The following VEPH1 variants were observed in gnomAD, a reference collection of about 807,000 sequenced individuals.
The protein encoded by VEPH1 is ventricular zone expressed PH domain containing 1.
Under a neutral mutation model 85.2 loss-of-function variants are expected in VEPH1, and 80 were observed. That is an observed-to-expected ratio of 0.94 (90% CI 0.78 to 1.13). The LOEUF (loss-of-function observed/expected upper bound fraction) is 1.13. Ranked by LOEUF, VEPH1 falls within the 50% of genes most tolerant of loss-of-function variation. The probability of loss-of-function intolerance (pLI) is 0.00; values close to 1 mark genes in which losing one functional copy is unlikely to be tolerated. For missense variants in VEPH1, 955 were observed against 980.5 expected (o/e 0.97, Z 0.35); for synonymous variants, 297 against 348.0 (o/e 0.85, Z 1.63).
At chr3:157,428,530 C>T (rs746345606) in intron 4 of VEPH1, 42 bp from the exon 5 acceptor site, 3 of 1,578,896 alleles carry the variant, frequency 1.9e-6, no homozygotes, top group South Asian at 1.1e-5. Context: ...TTTATCAGGC[C>T]ATGAGCAACA....
chr3:157,281,730 G>T (rs377330113), intron 12 of VEPH1, among the ~76,000 whole-genome samples: 1 of 152,054 alleles, frequency 6.6e-6, no homozygotes, highest in African/African-American at 2.4e-5. Context: ...TAGAGATGGG[G>T]TTTCACCATG....
chr3:157,423,395 A>G lies in VEPH1; in HGVS notation c.696+4927T>C, dbSNP rs79816233. On this transcript the variant is annotated intron_variant, in intron 5 of 13. Coordinates refer to ENST00000362010, the MANE Select transcript of VEPH1 (RefSeq NM_001167912.2). ...GCACCATATGGGTATTTGTAAAAAGACACAGTTGGGGTACCCAATTGTGTC... is the reference window on the plus strand; with the variant it reads ...GCACCATATGGGTATTTGTAAAAAGGCACAGTTGGGGTACCCAATTGTGTC... 8.1e-3 allele frequency among the ~76,000 whole-genome samples: 1,234 copies of G among 152,318 alleles called. 3 individuals carry two copies. The highest frequency in any genetic ancestry group is 0.012 in the Non-Finnish European group (783 of 68,026).
chr3:157,392,264 T>C (rs1303834410), intron 6 of VEPH1, among the ~76,000 whole-genome samples: 1 of 152,214 alleles, frequency 6.6e-6, no homozygotes, highest in African/African-American at 2.4e-5. Context: ...TAGTCCATTT[T>C]CACAATCATG....
intron 12 of VEPH1, among the ~76,000 whole-genome samples, 190 bp from the exon 13 acceptor site, chr3:157,265,852 G>A (rs1367862897): frequency 6.6e-6 from 1 of 151,956 alleles, no homozygotes; most frequent in Non-Finnish European, 1.5e-5. Flanking sequence ...TATGACAATG[G>A]AAAACTGTTG....
At chr3:157,397,902 C>G (rs1048095334) in intron 6 of VEPH1, among the ~76,000 whole-genome samples, 1 of 152,176 alleles carries the variant, frequency 6.6e-6, no homozygotes, top group Non-Finnish European at 1.5e-5. Flanking sequence ...TTTTCCTTTA[C>G]CACTGTCCTT....
At chr3:157,297,690 G>A (rs1430571997) in intron 11 of VEPH1, among the ~76,000 whole-genome samples, 1 of 152,086 alleles carries the variant, frequency 6.6e-6, no homozygotes, top group Non-Finnish European at 1.5e-5. Flanking sequence ...AAATGGGATG[G>A]CATAAGGCAG....
At chr3:157,411,686 G>A (rs1731544497) in intron 6 of VEPH1, among the ~76,000 whole-genome samples, 1 of 152,128 alleles carries the variant, frequency 6.6e-6, no homozygotes, top group South Asian at 2.1e-4. Context: ...ATTGTTCTCT[G>A]CTATGGGTCC....
At chr3:157,368,854 T>G (rs1727062106) in intron 7 of VEPH1, among the ~76,000 whole-genome samples, 1 of 152,030 alleles carries the variant, frequency 6.6e-6, no homozygotes, top group Non-Finnish European at 1.5e-5. Context: ...ATATTATACT[T>G]GACTACAATT....
rs150551206 is a variant in VEPH1, at chr3:157,439,216, T to C, written c.530-10728A>G. 1.7e-3 allele frequency among the ~76,000 whole-genome samples: 262 copies of C among 152,344 alleles called. 5 individuals are homozygous for C. The East Asian group carries it at 0.036, about 21-fold the overall frequency. The stretch of plus-strand genomic sequence containing the variant: ...GTGTTTCGCAAACCACGTAAAGTCA[T>C]TGTACATATAATGCACCTGAAAAAC... On this transcript the variant is annotated intron_variant, in intron 4 of 13. Coordinates refer to ENST00000362010, the MANE Select transcript of VEPH1 (RefSeq NM_001167912.2).
At chr3:157,459,249 C>T (rs1022084569) in intron 4 of VEPH1, among the ~76,000 whole-genome samples, 2 of 152,318 alleles carry the variant, frequency 1.3e-5, no homozygotes, top group East Asian at 3.9e-4. Context: ...GTCTGCTGGG[C>T]TCGCATGGTG....
intron 12 of VEPH1, among the ~76,000 whole-genome samples, chr3:157,268,688 C>T (rs1559910435): frequency 6.6e-6 from 1 of 152,134 alleles, no homozygotes; most frequent in Non-Finnish European, 1.5e-5. Flanking sequence ...TAGCAAAGCA[C>T]AAGGCACTGC....
rs768144237 is a variant in VEPH1, at chr3:157,495,256, G to A, written c.94C>T (p.Leu32Phe). ...SLDDSEIEDS[L>F]TEALEQIKII... ...TTAATTTGCTCCAAAGCTTCTGTAA[G>A]GCTGTCTTCAATCTCAGAGTCATCT... The change falls in exon 2 of 14, where the codon CTT becomes TTT. Residue 32 changes from leucine to phenylalanine, a missense_variant. Transcript: ENST00000362010. The A allele has an allele frequency of 6.2e-7, 1 of 1,614,032 alleles. No individual in the cohort carries two copies. Among genetic ancestry groups the A allele is most frequent in the Admixed American group, 1.7e-5 (1 of 60,022 alleles).
intron 7 of VEPH1, 52 bp downstream of exon 7, chr3:157,381,104 A>C (rs1577507227): frequency 6.3e-7 from 1 of 1,582,908 alleles, no homozygotes; most frequent in East Asian, 2.2e-5. Flanking sequence ...TCTGCATTCT[A>C]CCCCCACAGG....
intron 6 of VEPH1, among the ~76,000 whole-genome samples, chr3:157,392,562 G>T (rs1425077226): frequency 6.6e-6 from 1 of 152,068 alleles, no homozygotes; most frequent in Non-Finnish European, 1.5e-5. Flanking sequence ...ATCGGAAGAA[G>T]AAGAATTGTC....
chr3:157,333,610 C>T (rs1722693758), intron 9 of VEPH1, among the ~76,000 whole-genome samples: 1 of 152,210 alleles, frequency 6.6e-6, no homozygotes, highest in African/African-American at 2.4e-5. Flanking sequence ...TTTGTGGTCA[C>T]ACTGAGTCAG....
chr3:157,401,781 C>A (rs910938704), intron 6 of VEPH1, among the ~76,000 whole-genome samples: 2 of 151,382 alleles, frequency 1.3e-5, no homozygotes, highest in African/African-American at 4.9e-5. Context: ...TGTGAACTGC[C>A]TTAACTGCTT....
intron 9 of VEPH1, among the ~76,000 whole-genome samples, chr3:157,324,340 G>A (rs1272035765): frequency 3.9e-5 from 6 of 152,138 alleles, no homozygotes; most frequent in African/African-American, 1.4e-4. Context: ...TTACAGGCAT[G>A]AACCACTGTG....
intron 1 of VEPH1, among the ~76,000 whole-genome samples, chr3:157,500,536 C>T (rs528737772): frequency 6.6e-6 from 1 of 152,262 alleles, no homozygotes; most frequent in South Asian, 2.1e-4. Context: ...GAGAACTATC[C>T]CCTTGAAGAA....
chr3:157,404,500 T>C (rs1266960838), intron 6 of VEPH1, among the ~76,000 whole-genome samples: 1 of 152,136 alleles, frequency 6.6e-6, no homozygotes, highest in African/African-American at 2.4e-5. Context: ...CTGAGATGAT[T>C]TAAGTGCAAA....
Sources: allele counts gnomAD v4.1 joint callset (sites outside exome capture counted in the v4.1 genomes callset), GRCh38; gene constraint gnomAD v4.1.1; transcripts MANE v1.5; gene names NCBI Gene and HGNC (gene_info 2026-07-23, HGNC 2026-07-21).